The following CDH11 variants were observed in gnomAD, a reference collection of about 807,000 sequenced individuals.
CDH11 encodes cadherin-11.
CDH11 carries 11 observed loss-of-function variants against 67.8 expected under a neutral mutation model. The observed-to-expected ratio is 0.16, with a 90% CI of 0.10 to 0.27. CDH11 has a LOEUF of 0.27. Among genes scored for constraint, CDH11 ranks in the 10% least tolerant of loss-of-function variants. CDH11 has a pLI of 1.00. For synonymous variants in CDH11, 419 were observed against 400.0 expected, an observed-to-expected ratio of 1.05 and a Z score of -0.57; for missense variants, 847 against 1,031.2, an observed-to-expected ratio of 0.82 and a Z score of 2.45.
At chr16:64,960,959 A>C (rs1387514506) in intron 11 of CDH11, among the ~76,000 whole-genome samples, 1 of 152,180 alleles carries the variant, frequency 6.6e-6, no homozygotes, top group Admixed American at 6.5e-5. Context: ...GGGTAACTCT[A>C]TTCATGATAA....
intron 2 of CDH11, among the ~76,000 whole-genome samples, chr16:65,016,435 A>G (rs1230063325): frequency 6.6e-6 from 1 of 152,172 alleles, no homozygotes; most frequent in Admixed American, 6.5e-5. Flanking sequence ...CTTCTTAGAC[A>G]GGCAGGACTT....
Position 64,945,287 on chromosome 16 carries a change from GA to G in CDH11, c.*2315del. On this transcript the variant is annotated 3_prime_UTR_variant, in exon 13 of 13. Transcript: ENST00000268603. ...GTTCTACAAACAATAGAGGCTTAAC[GA>G]AAAAATAAAAGGTAAAAAAAAAAAA... 2.2e-6 allele frequency: 1 copy of G among 462,250 alleles called. No individual in the cohort carries two copies. The highest frequency in any genetic ancestry group is 2.7e-6 in the Non-Finnish European group (1 of 376,068). 28.6% of individuals were successfully genotyped at this position (462,250 alleles called of 1,614,324 possible). A position where few individuals can be genotyped will look rare whatever the true frequency, so the allele number is the denominator to read the frequency against.
chr16:65,122,107 AG>A, upstream of CDH11: 1 of 66,102 alleles, frequency 1.5e-5, no homozygotes, highest in South Asian at 1.3e-4. Flanking sequence ...AACCGGGGGG[AG>A]GTGGCGGGCG....
rs2072023255 is a variant in CDH11 at position 64,972,115 on chromosome 16, T to C, written c.1391-51A>G. 3 of 1,551,238 alleles carry C rather than the reference T, an allele frequency of 1.9e-6. No individual in the cohort carries two copies. In the South Asian group the frequency reaches 3.4e-5, roughly 17 times the overall value. ...AAGAAAGGTCAAGGAGAAATACACATTGGTCCAGGCATATTCTTGGGAAAG... is the reference window on the plus strand; with the variant it reads ...AAGAAAGGTCAAGGAGAAATACACACTGGTCCAGGCATATTCTTGGGAAAG... On this transcript the variant is annotated intron_variant, in intron 9 of 12. Coordinates refer to ENST00000268603, the MANE Select transcript of CDH11 (RefSeq NM_001797.4).
At chr16:65,070,341 C>T (rs1452054337) in intron 1 of CDH11, among the ~76,000 whole-genome samples, 1 of 152,138 alleles carries the variant, frequency 6.6e-6, no homozygotes, top group African/African-American at 2.4e-5. Flanking sequence ...GGAAGGAATG[C>T]AGGGAGCTGG....
At chr16:65,076,538 T>G (rs1042370684) in intron 1 of CDH11, among the ~76,000 whole-genome samples, 2 of 152,088 alleles carry the variant, frequency 1.3e-5, no homozygotes, top group Non-Finnish European at 2.9e-5. Flanking sequence ...ACATGGTATT[T>G]TTTTCAATAC....
chr16:65,049,179 C>T (rs754545841), intron 2 of CDH11, among the ~76,000 whole-genome samples: 3 of 151,996 alleles, frequency 2.0e-5, no homozygotes, highest in Admixed American at 6.6e-5. Flanking sequence ...TACATGTACC[C>T]CCTGAATCTA....
chr16:65,025,896 T>C (rs1348889917), intron 2 of CDH11, among the ~76,000 whole-genome samples: 1 of 152,078 alleles, frequency 6.6e-6, no homozygotes, highest in Non-Finnish European at 1.5e-5. Flanking sequence ...TAGGGGATGG[T>C]GCAGGTAGTG....
Position 64,948,075 on chromosome 16 carries a change from A to T in CDH11, c.1919T>A (p.Leu640Gln). The change falls in exon 13 of 13, where the codon CTG (leucine) becomes CAG (glutamine). Residue 640 changes from leucine to glutamine, a missense_variant. Transcript: ENST00000268603. The stretch of plus-strand genomic sequence containing the variant: ...GAGTGGTTCTTTCTTTTGCCTTCTC[A>T]GGGTCACAAACAATACTACAATGAC... The part of the protein sequence containing the change: ...LLVIVVLFVT[L>Q]RRQKKEPLIV... 1 of 1,613,818 alleles carries T rather than the reference A, an allele frequency of 6.2e-7. No homozygotes were observed. The highest frequency in any genetic ancestry group is 8.5e-7 in the Non-Finnish European group (1 of 1,179,882).
chr16:65,076,884 T>A (rs2074520368), intron 1 of CDH11, among the ~76,000 whole-genome samples: 1 of 152,158 alleles, frequency 6.6e-6, no homozygotes, highest in South Asian at 2.1e-4. Context: ...CTGCCTAGTA[T>A]TCCATGGTGT....
intron 1 of CDH11, among the ~76,000 whole-genome samples, chr16:65,083,519 C>T (rs2074646437): frequency 6.6e-6 from 1 of 152,198 alleles, no homozygotes; most frequent in South Asian, 2.1e-4. Flanking sequence ...GGAAGACTGG[C>T]TACTAGGTAA....
Position 64,945,014 on chromosome 16 carries a change from T to C in CDH11, c.*2589A>G, listed in dbSNP as rs1485563799. 4.8e-6 allele frequency: 1 copy of C among 208,814 alleles called. No homozygotes were observed. Among genetic ancestry groups the C allele is most frequent in the Non-Finnish European group, 9.7e-6 (1 of 102,702 alleles). 12.9% of individuals were successfully genotyped at this position (208,814 alleles called of 1,614,324 possible). On this transcript the variant is annotated 3_prime_UTR_variant, in exon 13 of 13. Coordinates refer to ENST00000268603, the MANE Select transcript of CDH11 (RefSeq NM_001797.4). Reference sequence around the variant, plus strand: ...CCTCCAGTAAGTGGAACAGGGTTTATAAAATAAGATTTTGATGAATTAATG... The same window carrying C: ...CCTCCAGTAAGTGGAACAGGGTTTACAAAATAAGATTTTGATGAATTAATG...
chr16:64,947,863 C>G lies in CDH11; in HGVS notation c.2131G>C (p.Ala711Pro). ...TCATCGACATCCACGCTGTTGGGCG[C>G]TGGCCGGAGCCCAGGTCTAGGCATG... The part of the protein sequence containing the change: ...QYMPRPGLRP[A>P]PNSVDVDDFI... Residue 711 changes from alanine to proline, a missense_variant, in exon 13 of 13, where the codon GCG (alanine) becomes CCG (proline). This residue lies in a region of CDH11 where 612 missense variants were observed against 678.7 expected (regional missense o/e 0.90). Coordinates refer to ENST00000268603, the MANE Select transcript of CDH11 (RefSeq NM_001797.4). 1 of 1,614,180 alleles carries G rather than the reference C, an allele frequency of 6.2e-7. No individual in the cohort carries two copies. The highest frequency in any genetic ancestry group is 8.5e-7 in the Non-Finnish European group (1 of 1,180,032).
chr16:64,949,425 C>CTTTTTTTTTTTTTTTTTTTTTTTTTT, intron 12 of CDH11, among the ~76,000 whole-genome samples: 1 of 106,020 alleles, frequency 9.4e-6, no homozygotes, highest in Non-Finnish European at 1.8e-5. Context: ...TTTTTTTTTT[C>CTTTTTTTTTTTTTTTTTTTTTTTTTT]TTTTTTTTTT....
intron 2 of CDH11, among the ~76,000 whole-genome samples, chr16:65,051,412 A>G (rs998304057): frequency 1.1e-4 from 17 of 151,672 alleles, no homozygotes; most frequent in African/African-American, 4.1e-4. Flanking sequence ...TTTTTTGCCC[A>G]TAATATGGGA....
intron 8 of CDH11, among the ~76,000 whole-genome samples, chr16:64,979,809 A>T (rs2072283185): frequency 6.6e-6 from 1 of 152,180 alleles, no homozygotes; most frequent in Non-Finnish European, 1.5e-5. Context: ...TTTGGAAACA[A>T]CTCAAACATG....
chr16:64,996,943 T>C (rs1300142855), intron 4 of CDH11, among the ~76,000 whole-genome samples: 1 of 152,122 alleles, frequency 6.6e-6, no homozygotes, highest in Non-Finnish European at 1.5e-5. Flanking sequence ...ACCTGAGTGA[T>C]GGGGTCATTC....
intron 1 of CDH11, among the ~76,000 whole-genome samples, chr16:65,072,913 A>G (rs190351858): frequency 3.3e-5 from 5 of 152,316 alleles, no homozygotes; most frequent in Non-Finnish European, 5.9e-5. Context: ...GGTTTCCTAT[A>G]AAAATTAAAT....
chr16:65,072,829 A>G (rs925164120), intron 1 of CDH11, among the ~76,000 whole-genome samples: 3 of 152,206 alleles, frequency 2.0e-5, no homozygotes, highest in Non-Finnish European at 4.4e-5. Flanking sequence ...ATAGCCTTAA[A>G]CCAGCTACTC....
Sources: allele counts gnomAD v4.1 joint callset (sites outside exome capture counted in the v4.1 genomes callset), GRCh38; gene constraint gnomAD v4.1.1; regional missense constraint gnomAD v4.1.1; transcripts MANE v1.5; gene names NCBI Gene and HGNC (gene_info 2026-07-23, HGNC 2026-07-21).